NBEA: variants seen among roughly 807,000 people sequenced by gnomAD.
NBEA encodes the protein lysosomal-trafficking regulator 2.
A neutral mutation model predicts 343.4 loss-of-function variants in NBEA; 44 were observed. That is an observed-to-expected ratio of 0.13 (90% CI 0.10 to 0.16). The LOEUF is 0.16. Ranked by LOEUF, NBEA falls within the 10% of genes least tolerant of loss-of-function variation. NBEA has a pLI of 1.00. For synonymous variants in NBEA, 1,175 were observed against 1,238.7 expected (o/e 0.95, Z 1.08); for missense variants, 2,555 against 3,631.3 (o/e 0.70, Z 7.62).
intron 38 of NBEA, among the ~76,000 whole-genome samples, chr13:35,428,964 T>C (rs1166232595): frequency 6.6e-6 from 1 of 152,180 alleles, no homozygotes; most frequent in African/African-American, 2.4e-5. Flanking sequence ...AGTCGGAGGC[T>C]CTTCTTTACT....
chr13:35,448,431 G>A (rs908387468), intron 39 of NBEA, among the ~76,000 whole-genome samples: 8 of 151,820 alleles, frequency 5.3e-5, no homozygotes, highest in Admixed American at 6.6e-5. Context: ...TATATTCTCC[G>A]GCTTGCCCCA....
At chr13:35,050,222 G>T in intron 5 of NBEA, 47 bp from the exon 6 acceptor site, 1 of 1,566,868 alleles carries the variant, frequency 6.4e-7, no homozygotes, top group Non-Finnish European at 8.7e-7. Flanking sequence ...TAGGTGTTTA[G>T]TTCTTTTTAT....
At chr13:35,097,947 G>A (rs2065422960) in intron 10 of NBEA, among the ~76,000 whole-genome samples, 3 of 151,740 alleles carry the variant, frequency 2.0e-5, no homozygotes, top group African/African-American at 4.8e-5. Context: ...GTATGATACA[G>A]GCTTTATTAT....
At chr13:35,353,296 G>A (rs970772814) in intron 38 of NBEA, among the ~76,000 whole-genome samples, 1 of 152,176 alleles carries the variant, frequency 6.6e-6, no homozygotes, top group East Asian at 1.9e-4. Flanking sequence ...TTAGCCAGGC[G>A]TGGTGGCGGG....
In NBEA at chr13:35,109,314, G is replaced by A; in HGVS notation, c.1705G>A (p.Ala569Thr). ...EKSSRVHITRAVLEQFLSFAK... is the reference protein window; with the variant it reads ...EKSSRVHITRTVLEQFLSFAK... ...GTCATCAAGAGTTCATATAACTAGA[G>A]CTGTCCTGGAGCAATTTTTATCTTT... Residue 569 changes from alanine (A) to threonine (T), a missense_variant, in exon 12 of 59, where the codon GCT becomes ACT. Physicochemically the swap from Ala to Thr is moderately conservative, Grantham distance 58 (BLOSUM62 0). Transcript: ENST00000379939. The A allele has an allele frequency of 1.2e-6, 2 of 1,609,790 alleles. No individual in the cohort carries two copies. The highest frequency in any genetic ancestry group is 1.7e-6 in the Non-Finnish European group (2 of 1,177,972).
chr13:35,356,890 G>A (rs1398075982), intron 38 of NBEA, among the ~76,000 whole-genome samples: 1 of 151,986 alleles, frequency 6.6e-6, no homozygotes, highest in Non-Finnish European at 1.5e-5. Context: ...TCATTAGAGT[G>A]GATTTCTCTG....
At chr13:35,121,357 T>C (rs2066787533) in intron 16 of NBEA, among the ~76,000 whole-genome samples, 1 of 152,180 alleles carries the variant, frequency 6.6e-6, no homozygotes, top group Non-Finnish European at 1.5e-5. Context: ...TCTGCCCACC[T>C]TGACCTCCTA....
chr13:35,015,835 C>G (rs1484248935), intron 1 of NBEA, among the ~76,000 whole-genome samples: 1 of 151,818 alleles, frequency 6.6e-6, no homozygotes, highest in East Asian at 1.9e-4. Context: ...ACATAATAAC[C>G]TCATTTAACA....
chr13:35,601,634 C>T (rs780526474), intron 47 of NBEA, among the ~76,000 whole-genome samples: 9 of 151,746 alleles, frequency 5.9e-5, no homozygotes, highest in African/African-American at 1.2e-4. Flanking sequence ...TGGTGGCACA[C>T]GCCTGTAGTC....
At chr13:35,551,709 A>G (rs1315429746) in intron 43 of NBEA, among the ~76,000 whole-genome samples, 1 of 85,332 alleles carries the variant, frequency 1.2e-5, no homozygotes, top group Non-Finnish European at 3.6e-5. Flanking sequence ...AGGTGCTGCC[A>G]GTATTGGTTC....
At chr13:34,988,846 T>C (rs1348230951) in intron 1 of NBEA, among the ~76,000 whole-genome samples, 2 of 151,144 alleles carry the variant, frequency 1.3e-5, no homozygotes, top group African/African-American at 4.8e-5. Context: ...CTTATTTTTC[T>C]GTAAACAGCA....
intron 25 of NBEA, 135 bp downstream of exon 25, chr13:35,169,130 A>C (rs2070268150): frequency 1.8e-6 from 1 of 564,844 alleles, no homozygotes. Flanking sequence ...TTGTATATTT[A>C]AAAGAGTCAT....
chr13:35,501,779 A>G (rs2076896255), intron 41 of NBEA, among the ~76,000 whole-genome samples: 1 of 152,110 alleles, frequency 6.6e-6, no homozygotes, highest in Non-Finnish European at 1.5e-5. Flanking sequence ...TATACATTCC[A>G]TGCCAAGTTC....
intron 34 of NBEA, among the ~76,000 whole-genome samples, chr13:35,269,481 C>T (rs1594016114): frequency 6.6e-6 from 1 of 152,084 alleles, no homozygotes; most frequent in South Asian, 2.1e-4. Flanking sequence ...TTCCCTCTTA[C>T]TACATGGAAG....
At chr13:35,054,343 T>C (rs966493407) in intron 6 of NBEA, among the ~76,000 whole-genome samples, 3 of 152,140 alleles carry the variant, frequency 2.0e-5, no homozygotes, top group African/African-American at 7.2e-5. Flanking sequence ...ACACTCTTTT[T>C]ACGGTTTTTT....
At chr13:35,553,180 C>G (rs1404755163) in intron 43 of NBEA, among the ~76,000 whole-genome samples, 1 of 152,148 alleles carries the variant, frequency 6.6e-6, no homozygotes, top group Non-Finnish European at 1.5e-5. Context: ...GCAACAGTCA[C>G]CATGCCCAGC....
intron 38 of NBEA, among the ~76,000 whole-genome samples, chr13:35,406,569 C>A (rs2043282181): frequency 6.6e-6 from 1 of 152,104 alleles, no homozygotes; most frequent in African/African-American, 2.4e-5. Context: ...GTTTTCCATT[C>A]CTGAGTTACT....
chr13:35,670,852 C>T (rs763143115), intron 58 of NBEA, 49 bp from the exon 59 acceptor site: 8 of 1,316,976 alleles, frequency 6.1e-6, no homozygotes, highest in Non-Finnish European at 7.5e-6. Flanking sequence ...AAATAGCAAC[C>T]ACAGAAATGA....
At chr13:35,647,623 G>C (rs917736452) in intron 51 of NBEA, among the ~76,000 whole-genome samples, 7 of 152,122 alleles carry the variant, frequency 4.6e-5, no homozygotes, top group African/African-American at 1.4e-4. Context: ...CTGGAGTGCA[G>C]TGGCGCAATC....
Sources: gnomAD v4.1 joint callset for allele counts (sites outside exome capture counted in the v4.1 genomes callset) on GRCh38, gnomAD v4.1.1 for gene constraint, MANE v1.5 for transcripts, NCBI Gene and HGNC (gene_info 2026-07-23, HGNC 2026-07-21) for gene names.